BFSP2: variants seen among roughly 807,000 people sequenced by gnomAD.
BFSP2 encodes phakinin.
A neutral mutation model predicts 44.9 loss-of-function variants in BFSP2; 38 were observed. The observed-to-expected ratio is 0.85, with a 90% CI of 0.65 to 1.11. BFSP2 has a LOEUF of 1.11. Among genes scored for constraint, BFSP2 ranks in the 50% least tolerant of loss-of-function variants. BFSP2 has a pLI of 0.00. For missense variants in BFSP2, 525 were observed against 533.0 expected (o/e 0.99, Z 0.15); for synonymous variants, 197 against 209.9 (o/e 0.94, Z 0.53).
intron 4 of BFSP2, among the ~76,000 whole-genome samples, chr3:133,458,625 G>C (rs900533071): frequency 6.6e-6 from 1 of 152,174 alleles, no homozygotes; most frequent in Admixed American, 6.6e-5. Flanking sequence ...AACCCAGGAG[G>C]TGGAGGATTG....
At chr3:133,469,982 A>G (rs1403825151) in intron 5 of BFSP2, among the ~76,000 whole-genome samples, 1 of 151,988 alleles carries the variant, frequency 6.6e-6, no homozygotes, top group African/African-American at 2.4e-5. Flanking sequence ...GATGTTACAA[A>G]TCCAATGTCA....
At chr3:133,450,273 C>T (rs537111234) in intron 3 of BFSP2, 30 bp from the exon 4 acceptor site, 2 of 1,613,416 alleles carry the variant, frequency 1.2e-6, no homozygotes, top group Non-Finnish European at 1.7e-6. Context: ...CCCCCCGTAA[C>T]TCATCTAAGA....
At chr3:133,416,546 T>C (rs2073532011) in intron 1 of BFSP2, among the ~76,000 whole-genome samples, 1 of 128,180 alleles carries the variant, frequency 7.8e-6, no homozygotes, top group African/African-American at 3.0e-5. Flanking sequence ...CTCATCCCTC[T>C]ATACACCCTG....
chr3:133,433,775 C>G (rs13096563), intron 1 of BFSP2, among the ~76,000 whole-genome samples: 19,997 of 152,154 alleles, frequency 0.13, 1,630 homozygotes, highest in Non-Finnish European at 0.17. Flanking sequence ...TAAAAACACA[C>G]CTCACCAAGC....
rs897008612 is a variant in BFSP2, at chr3:133,461,905, G to A, written c.892-4923G>A. 3.9e-5 allele frequency among the ~76,000 whole-genome samples: 6 copies of A among 152,198 alleles called. No homozygotes were observed. In the South Asian group the frequency reaches 1.2e-3, roughly 31 times the overall value. ...CTCCCCTTTCCACAAAGAGAAAGCA[G>A]GCCTCAGGACTTAGCAGCTTGGCAG... is the stretch of plus-strand genomic sequence containing the variant. On this transcript the variant is annotated intron_variant, in intron 4 of 6. Transcript: ENST00000302334.
intron 1 of BFSP2, among the ~76,000 whole-genome samples, chr3:133,402,006 C>T: frequency 6.6e-6 from 1 of 152,156 alleles, no homozygotes; most frequent in Non-Finnish European, 1.5e-5. Context: ...AAGGGAGAGC[C>T]ATCTTAGAAC....
rs369869821 is a variant in BFSP2, at chr3:133,411,573, A to C, written c.489+11001A>C. ...CTGAATATGATTAAGCCTCAAGATA[A>C]AACTACTAATTTACAGAAAAGAAGG... On this transcript the variant is annotated intron_variant, in intron 1 of 6. Coordinates refer to ENST00000302334, the MANE Select transcript of BFSP2 (RefSeq NM_003571.4). Among the ~76,000 whole-genome samples the C allele has an allele frequency of 9.1e-4, 139 of 152,240 alleles. 2 individuals carry two copies. The South Asian group carries it at 0.028, about 31-fold the overall frequency.
intron 1 of BFSP2, chr3:133,445,678 C>A (rs932221074): frequency 6.6e-6 from 1 of 152,126 alleles, no homozygotes; most frequent in East Asian, 1.9e-4. Context: ...TAAATAACAA[C>A]TATGTACATA....
chr3:133,422,187 G>A (rs1018325209), intron 1 of BFSP2, among the ~76,000 whole-genome samples: 2 of 150,274 alleles, frequency 1.3e-5, no homozygotes, highest in African/African-American at 4.9e-5. Flanking sequence ...GCTGTACAGA[G>A]AGTCCAAGAG....
At chr3:133,433,322 A>G (rs1481621852) in intron 1 of BFSP2, among the ~76,000 whole-genome samples, 3 of 152,188 alleles carry the variant, frequency 2.0e-5, no homozygotes, top group Non-Finnish European at 4.4e-5. Context: ...AGGCTATGCT[A>G]TAGTACAAGC....
intron 4 of BFSP2, among the ~76,000 whole-genome samples, chr3:133,459,155 C>T (rs912923668): frequency 2.3e-4 from 35 of 152,060 alleles, no homozygotes; most frequent in Non-Finnish European, 5.0e-4. Context: ...GCCTGGGCAA[C>T]ATAGTAAGAC....
At chr3:133,458,486 G>A (rs1222753849) in intron 4 of BFSP2, among the ~76,000 whole-genome samples, 2 of 152,130 alleles carry the variant, frequency 1.3e-5, no homozygotes, top group Non-Finnish European at 2.9e-5. Flanking sequence ...TTGAGGTCAG[G>A]AGTTCAAGAC....
Position 133,400,635 on chromosome 3 carries a change from G to C in BFSP2, c.489+63G>C. 6.4e-7 allele frequency: 1 copy of C among 1,550,914 alleles called. No individual in the cohort carries two copies. The highest frequency in any genetic ancestry group is 8.7e-7 in the Non-Finnish European group (1 of 1,148,140). ...CTGGGAGGGGCTGCTGAAGGCAGCG[G>C]GTAGGGTTGTGAGTAGGCTGAGGCC... On this transcript the variant is annotated intron_variant, in intron 1 of 6. Transcript: ENST00000302334. This position sits in a 1 kb window ranked among gnomAD's most constrained non-coding sequence, Gnocchi z 4.0.
rs2073382266 is a variant in BFSP2, at chr3:133,403,878, G to A, written c.489+3306G>A. Among the ~76,000 whole-genome samples the A allele has an allele frequency of 2.0e-5, 3 of 152,138 alleles. No individual in the cohort carries two copies. The South Asian group carries it at 6.2e-4, about 32-fold the overall frequency. On this transcript the variant is annotated intron_variant, in intron 1 of 6. Coordinates refer to ENST00000302334, the MANE Select transcript of BFSP2 (RefSeq NM_003571.4). ...CAGAAAAGCCAGGAAGAGGAGCCAG[G>A]AGGAGGGAAACAATTGCTGTCACTG... is the stretch of plus-strand genomic sequence containing the variant.
Position 133,463,804 on chromosome 3 carries a change from A to T in BFSP2, c.892-3024A>T, listed in dbSNP as rs767616702. ...AGAGACTGTTAACAACCACCTGACC[A>T]TCACCTGATGGTCACCTGACATTCT... On this transcript the variant is annotated intron_variant, in intron 4 of 6. Coordinates refer to ENST00000302334, the MANE Select transcript of BFSP2 (RefSeq NM_003571.4). Among the ~76,000 whole-genome samples, 73 of 152,270 alleles carry T rather than the reference A, an allele frequency of 4.8e-4. 1 individual carries two copies. The highest frequency in any genetic ancestry group is 3.4e-3 in the Middle Eastern group (1 of 294).
At chr3:133,409,227 G>GGTGT (rs56156448) in intron 1 of BFSP2, among the ~76,000 whole-genome samples, 8,761 of 148,248 alleles carry the variant, frequency 0.059, 373 homozygotes, top group African/African-American at 0.12. Context: ...TTCTGACACT[G>GGTGT]GTGTGTGTGT....
At chr3:133,425,780 AAAGGGAAGGGAAGGG>A (rs71136468) in intron 1 of BFSP2, among the ~76,000 whole-genome samples, 2 of 107,758 alleles carry the variant, frequency 1.9e-5, no homozygotes, top group African/African-American at 6.4e-5. Flanking sequence ...AGGGAAAGGG[AAAGGGAAGGGAAGGG>A]AAGGGAAGAA....
At chr3:133,467,072 A>G (rs1373874825) in intron 5 of BFSP2, 113 bp downstream of exon 5, 2 of 1,430,408 alleles carry the variant, frequency 1.4e-6, no homozygotes, top group East Asian at 4.9e-5. Context: ...ACAGCATATG[A>G]GTTTTGAGGC....
At chr3:133,447,065 G>GAAT (rs2073909261) in intron 1 of BFSP2, among the ~76,000 whole-genome samples, 1 of 152,092 alleles carries the variant, frequency 6.6e-6, no homozygotes, top group African/African-American at 2.4e-5. Flanking sequence ...GTCTGCCTTT[G>GAAT]AATAGTCTTT....
Sources: gnomAD v4.1 joint callset for allele counts (sites outside exome capture counted in the v4.1 genomes callset) on GRCh38, gnomAD v4.1.1 for gene constraint, Gnocchi (gnomAD v3.1) non-coding constraint, MANE v1.5 for transcripts, NCBI Gene and HGNC (gene_info 2026-07-23, HGNC 2026-07-21) for gene names.